The following NAA25 variants were observed in gnomAD, a reference collection of about 807,000 sequenced individuals.
The protein encoded by NAA25 is N-alpha-acetyltransferase 25, NatB auxiliary subunit.
Under a neutral mutation model 132.5 loss-of-function variants are expected in NAA25, and 30 were observed. The ratio of observed to expected loss-of-function variants is 0.23; its 90% CI spans 0.17 to 0.31. The LOEUF (loss-of-function observed/expected upper bound fraction) is 0.31, where lower values mean the gene tolerates loss of function less well. NAA25 is among the 10% of genes least tolerant of loss of function. The probability of loss-of-function intolerance (pLI) is 1.00; values close to 1 mark genes in which losing one functional copy is unlikely to be tolerated. For synonymous variants in NAA25, 359 were observed against 401.9 expected (o/e 0.89, Z 1.28); for missense variants, 771 against 1,150.4 (o/e 0.67, Z 4.77).
chr12:112,098,504 G>A (rs989534677), intron 1 of NAA25, among the ~76,000 whole-genome samples: 3 of 152,062 alleles, frequency 2.0e-5, no homozygotes, highest in African/African-American at 7.2e-5. Context: ...CAATAAAAAC[G>A]ATATCCTAAA....
intron 4 of NAA25, among the ~76,000 whole-genome samples, chr12:112,084,485 C>T (rs2079015419): frequency 6.6e-6 from 1 of 152,148 alleles, no homozygotes; most frequent in African/African-American, 2.4e-5. Context: ...GCAATAATGA[C>T]AGTATAAAAA....
At chr12:112,089,866 G>T (rs1169419165) in intron 3 of NAA25, among the ~76,000 whole-genome samples, 4 of 151,326 alleles carry the variant, frequency 2.6e-5, no homozygotes, top group Admixed American at 2.0e-4. Context: ...GGTGGTGCAT[G>T]CCTGTAATCC....
At chr12:112,096,756 G>A (rs1231840506) in intron 1 of NAA25, among the ~76,000 whole-genome samples, 3 of 152,116 alleles carry the variant, frequency 2.0e-5, no homozygotes, top group Non-Finnish European at 4.4e-5. Flanking sequence ...CTCAATAAAC[G>A]ACACCCTCTC....
At chr12:112,051,912 GACC>G (rs2078472365) in intron 15 of NAA25, among the ~76,000 whole-genome samples, 1 of 152,096 alleles carries the variant, frequency 6.6e-6, no homozygotes, top group African/African-American at 2.4e-5. Context: ...TGTCTTTATT[GACC>G]ACATCTTCAT....
intron 11 of NAA25, among the ~76,000 whole-genome samples, chr12:112,061,919 T>A (rs1245676216): frequency 6.6e-6 from 1 of 152,208 alleles, no homozygotes. Context: ...AGAAATGAGA[T>A]CCCATGTACC....
Position 112,088,449 on chromosome 12 carries a change from C to T in NAA25, c.284-648G>A, listed in dbSNP as rs144425747. Among the ~76,000 whole-genome samples, 399 of 151,396 alleles carry T rather than the reference C, an allele frequency of 2.6e-3. 5 individuals carry two copies. The highest frequency in any genetic ancestry group is 9.4e-3 in the African/African-American group (390 of 41,294). On this transcript the variant is annotated intron_variant, in intron 3 of 23. Transcript: ENST00000261745. ...TCAGGTAATTCTCCGACCTCAGCCTCCCAAGTAGCTGTTCTGCAGGCACAT... is the reference window on the plus strand; with the variant it reads ...TCAGGTAATTCTCCGACCTCAGCCTTCCAAGTAGCTGTTCTGCAGGCACAT...
chr12:112,100,853 C>T (rs1202966805), intron 1 of NAA25, among the ~76,000 whole-genome samples: 1 of 151,952 alleles, frequency 6.6e-6, no homozygotes, highest in Non-Finnish European at 1.5e-5. Context: ...CTCCTGACCT[C>T]GTCATCCACC....
At chr12:112,077,033 CT>C (rs2078903716) in intron 7 of NAA25, among the ~76,000 whole-genome samples, 1 of 151,968 alleles carries the variant, frequency 6.6e-6, no homozygotes, top group African/African-American at 2.4e-5. Flanking sequence ...CAAGAAGTTT[CT>C]TGTGAGTAGC....
At chr12:112,094,274 T>TA (rs1350728022) in intron 1 of NAA25, among the ~76,000 whole-genome samples, 8 of 150,936 alleles carry the variant, frequency 5.3e-5, no homozygotes, top group African/African-American at 1.9e-4. Flanking sequence ...AATACAAACT[T>TA]ACGTCCCTAT....
intron 22 of NAA25, among the ~76,000 whole-genome samples, chr12:112,038,956 G>A (rs1202049923): frequency 6.6e-6 from 1 of 152,094 alleles, no homozygotes; most frequent in Non-Finnish European, 1.5e-5. Flanking sequence ...TCCAGCCTGG[G>A]CTATAGAGTG....
chr12:112,053,697 T>C (rs1307460650), intron 14 of NAA25, 40 bp from the exon 15 acceptor site: 1 of 1,400,354 alleles, frequency 7.1e-7, no homozygotes. Context: ...AGACATGTTA[T>C]ACTTACTTAC....
intron 15 of NAA25, among the ~76,000 whole-genome samples, chr12:112,053,124 G>C (rs964598306): frequency 1.3e-5 from 2 of 152,138 alleles, no homozygotes; most frequent in Non-Finnish European, 2.9e-5. Context: ...GAAAATACAA[G>C]TACATTCACC....
chr12:112,077,198 C>A (rs373462558), intron 7 of NAA25, among the ~76,000 whole-genome samples: 3 of 151,426 alleles, frequency 2.0e-5, no homozygotes, highest in Middle Eastern at 3.4e-3. Flanking sequence ...GGAGGCCAGG[C>A]GTGGTGGCTC....
chr12:112,064,173 G>GAT (rs1471919717), intron 11 of NAA25: 2 of 152,128 alleles, frequency 1.3e-5, no homozygotes, highest in Non-Finnish European at 2.9e-5. Flanking sequence ...ATTATGATCA[G>GAT]ATATATATAT....
Position 112,033,287 on chromosome 12 carries a change from A to G in NAA25, c.2742T>C (p.His914=). Residue 914 remains histidine, a synonymous_variant, in exon 23 of 24, where the codon CAT becomes CAC. Transcript: ENST00000261745. ...VVDHIKGLET[H]LIALKLEELI... ...GTTCTTCAAGTTTAAGTGCAATTAG[A>G]TGTGTTTCAAGCCCTTTAATATGAT... The G allele has an allele frequency of 5.0e-6, 8 of 1,612,948 alleles. No individual in the cohort carries two copies. The highest frequency in any genetic ancestry group is 5.1e-6 in the Non-Finnish European group (6 of 1,179,628).
At chr12:112,072,521 A>G (rs1437268298) in intron 9 of NAA25, among the ~76,000 whole-genome samples, 1 of 151,800 alleles carries the variant, frequency 6.6e-6, no homozygotes, top group Non-Finnish European at 1.5e-5. Flanking sequence ...AGGCAGGAGA[A>G]TCGCTTGAAC....
intron 3 of NAA25, among the ~76,000 whole-genome samples, chr12:112,089,780 G>C (rs1475361035): frequency 6.6e-6 from 1 of 151,906 alleles, no homozygotes; most frequent in African/African-American, 2.4e-5. Flanking sequence ...GATCACTTGA[G>C]GTAAGGAGTT....
chr12:112,049,209 G>T lies in NAA25; in HGVS notation c.1729-766C>A, dbSNP rs2078428969. On this transcript the variant is annotated intron_variant, in intron 15 of 23. Coordinates refer to ENST00000261745, the MANE Select transcript of NAA25 (RefSeq NM_024953.4). The surrounding 1 kb of genome is among the most constrained non-coding windows in gnomAD (Gnocchi z 4.7). ...CATTACAGAACAGAGGCAAGATAAA[G>T]AATTCTAAGCAGAAATTCTGGCACA... is the stretch of plus-strand genomic sequence containing the variant. Among the ~76,000 whole-genome samples, 1 of 152,186 alleles carries T rather than the reference G, an allele frequency of 6.6e-6. No homozygotes were observed. Among genetic ancestry groups the T allele is most frequent in the Non-Finnish European group, 1.5e-5 (1 of 68,024 alleles).
intron 20 of NAA25, among the ~76,000 whole-genome samples, chr12:112,041,191 CT>C (rs199938023): frequency 1.4e-3 from 198 of 142,346 alleles, no homozygotes; most frequent in Middle Eastern, 3.6e-3. Flanking sequence ...TAAAAAGACA[CT>C]TTTTTTTTTT....
Sources: allele counts gnomAD v4.1 joint callset (sites outside exome capture counted in the v4.1 genomes callset), GRCh38; gene constraint gnomAD v4.1.1; non-coding constraint Gnocchi (gnomAD v3.1); transcripts MANE v1.5; gene names NCBI Gene and HGNC (gene_info 2026-07-23, HGNC 2026-07-21).